MCC: variants seen among roughly 807,000 people sequenced by gnomAD.
MCC encodes the protein colorectal mutant cancer protein.
MCC carries 90 observed loss-of-function variants against 116.2 expected under a neutral mutation model. That is an observed-to-expected ratio of 0.77 (90% confidence interval 0.65 to 0.92). The LOEUF is 0.92. MCC is among the 40% of genes least tolerant of loss of function. The probability of loss-of-function intolerance (pLI) is 0.00; values close to 1 mark genes in which losing one functional copy is unlikely to be tolerated. For synonymous variants in MCC, 578 were observed against 510.5 expected, an observed-to-expected ratio of 1.13 and a Z score of -1.78; for missense variants, 1,516 against 1,312.2, an observed-to-expected ratio of 1.16 and a Z score of -2.40.
chr5:113,084,023 GTTC>G, intron 10 of MCC, 75 bp downstream of exon 10: 1 of 1,108,790 alleles, frequency 9.0e-7, no homozygotes, highest in South Asian at 1.3e-5. Context: ...GACTTTGGAA[GTTC>G]TTCTGTCATC....
chr5:113,252,909 C>T (rs1317639165), intron 3 of MCC, among the ~76,000 whole-genome samples: 1 of 152,218 alleles, frequency 6.6e-6, no homozygotes, highest in Non-Finnish European at 1.5e-5. Context: ...CTGCTAAGAG[C>T]ATTTGCTTCT....
At chr5:113,089,248 G>A (rs1755429814) in intron 8 of MCC, among the ~76,000 whole-genome samples, 1 of 152,212 alleles carries the variant, frequency 6.6e-6, no homozygotes, top group Admixed American at 6.5e-5. Flanking sequence ...GCTGGCCTCT[G>A]CCTTCCTAGA....
At chr5:113,115,748 T>G (rs1001716570) in intron 6 of MCC, among the ~76,000 whole-genome samples, 1 of 152,158 alleles carries the variant, frequency 6.6e-6, no homozygotes. Context: ...AGTTCAAATC[T>G]ACGTATAATC....
chr5:113,239,992 C>T (rs1237177386), intron 3 of MCC, among the ~76,000 whole-genome samples: 3 of 152,184 alleles, frequency 2.0e-5, no homozygotes. Flanking sequence ...GATTTGTATC[C>T]TCCAGTGGCT....
intron 1 of MCC, 149 bp downstream of exon 1, chr5:113,488,096 G>C: frequency 2.5e-6 from 2 of 793,712 alleles, no homozygotes; most frequent in Non-Finnish European, 3.7e-6. Flanking sequence ...TGGCCGAGCC[G>C]GCTACGCGCT....
chr5:113,273,837 C>G (rs139886152), intron 3 of MCC, among the ~76,000 whole-genome samples: 1 of 152,038 alleles, frequency 6.6e-6, no homozygotes, highest in African/African-American at 2.4e-5. Flanking sequence ...AAACAGTGAG[C>G]AATATCAAGC....
In MCC at chr5:113,488,426, C is replaced by A; in HGVS notation, c.-12G>T. On this transcript the variant is annotated 5_prime_UTR_variant, in exon 1 of 19. The change creates a new upstream start codon in the 5' untranslated region. Coordinates refer to ENST00000408903, the MANE Select transcript of MCC (RefSeq NM_001085377.2). Reference sequence around the variant, plus strand: ...GCGGCCGCCATCATGCGCCCGCTCCCTACTTGGGAGGAGGAGTACGCGCGA... The same window carrying A: ...GCGGCCGCCATCATGCGCCCGCTCCATACTTGGGAGGAGGAGTACGCGCGA... The A allele has an allele frequency of 7.1e-7, 1 of 1,403,846 alleles. No individual in the cohort carries two copies. The highest frequency in any genetic ancestry group is 1.8e-5 in the South Asian group (1 of 55,800). The allele number at this position is 1,403,846 out of a possible 1,614,324, so 87.0% of individuals were successfully genotyped here.
At chr5:113,188,978 T>C (rs1762027751) in intron 3 of MCC, among the ~76,000 whole-genome samples, 1 of 152,220 alleles carries the variant, frequency 6.6e-6, no homozygotes, top group Admixed American at 6.5e-5. Flanking sequence ...GGAACCCTTG[T>C]TACTCTGTGA....
chr5:113,044,713 T>A (rs1265293094), intron 16 of MCC, among the ~76,000 whole-genome samples: 1 of 152,180 alleles, frequency 6.6e-6, no homozygotes, highest in Non-Finnish European at 1.5e-5. Flanking sequence ...TAGCTGGGAT[T>A]ACAGGCATGT....
At chr5:113,058,370 G>T (rs1409507623) in intron 14 of MCC, among the ~76,000 whole-genome samples, 1 of 152,160 alleles carries the variant, frequency 6.6e-6, no homozygotes, top group African/African-American at 2.4e-5. Flanking sequence ...AGCAGCACCT[G>T]GGGACTTGTT....
At chr5:113,151,675 C>A (rs1759886224) in intron 3 of MCC, among the ~76,000 whole-genome samples, 1 of 152,144 alleles carries the variant, frequency 6.6e-6, no homozygotes, top group Non-Finnish European at 1.5e-5. Context: ...TATAATCAGG[C>A]CAGAGAACAA....
chr5:113,312,032 G>A (rs1767146470), intron 3 of MCC, among the ~76,000 whole-genome samples: 1 of 152,206 alleles, frequency 6.6e-6, no homozygotes, highest in South Asian at 2.1e-4. Context: ...CTTGAAACCG[G>A]GCGGCAGAGT....
chr5:113,165,672 G>A (rs1007040559), intron 3 of MCC, among the ~76,000 whole-genome samples: 3 of 152,110 alleles, frequency 2.0e-5, no homozygotes, highest in African/African-American at 7.2e-5. Flanking sequence ...TTTCCTTGGG[G>A]TTTACGTTTA....
At chr5:113,187,372 G>T (rs535495814) in intron 3 of MCC, among the ~76,000 whole-genome samples, 1 of 152,092 alleles carries the variant, frequency 6.6e-6, no homozygotes, top group Non-Finnish European at 1.5e-5. Context: ...GCTTCCCAAA[G>T]TGCTGGGATT....
intron 3 of MCC, among the ~76,000 whole-genome samples, chr5:113,228,738 A>G (rs1332885285): frequency 6.6e-6 from 1 of 152,188 alleles, no homozygotes; most frequent in Non-Finnish European, 1.5e-5. Context: ...GTGAGAACAG[A>G]CTGTAGAGGG....
At chr5:113,485,016 C>G (rs757892903) in intron 1 of MCC, among the ~76,000 whole-genome samples, 19 of 152,262 alleles carry the variant, frequency 1.2e-4, no homozygotes, top group African/African-American at 4.3e-4. Flanking sequence ...TCTGTTCTAC[C>G]TTAACTATTG....
At chr5:113,236,065 T>C (rs1429085065) in intron 3 of MCC, among the ~76,000 whole-genome samples, 1 of 152,188 alleles carries the variant, frequency 6.6e-6, no homozygotes, top group East Asian at 1.9e-4. Context: ...TTGGGTGCCT[T>C]TGAAGAGTAA....
At chr5:113,428,482 C>A (rs1770540264) in intron 1 of MCC, among the ~76,000 whole-genome samples, 1 of 152,186 alleles carries the variant, frequency 6.6e-6, no homozygotes, top group South Asian at 2.1e-4. Context: ...ACCCCATATC[C>A]AATGACTATA....
At chr5:113,458,797 G>T (rs1307014424) in intron 1 of MCC, among the ~76,000 whole-genome samples, 1 of 152,122 alleles carries the variant, frequency 6.6e-6, no homozygotes, top group Non-Finnish European at 1.5e-5. Flanking sequence ...ATATGGCATG[G>T]TTATCTGCAG....
Sources: gnomAD v4.1 joint callset for allele counts (sites outside exome capture counted in the v4.1 genomes callset) on GRCh38, gnomAD v4.1.1 for gene constraint, MANE v1.5 for transcripts, NCBI Gene and HGNC (gene_info 2026-07-23, HGNC 2026-07-21) for gene names.